The following DOCK2 variants were observed in gnomAD, a reference collection of about 807,000 sequenced individuals.
DOCK2 encodes dedicator of cytokinesis protein 2.
DOCK2 carries 87 observed loss-of-function variants against 248.9 expected under a neutral mutation model. The observed-to-expected ratio is 0.35, with a 90% CI of 0.29 to 0.42. The LOEUF (loss-of-function observed/expected upper bound fraction) is 0.42. Among genes scored for constraint, DOCK2 ranks in the 10% least tolerant of loss-of-function variants. The pLI is 1.00. For missense variants in DOCK2, 1,747 were observed against 2,300.2 expected (o/e 0.76, Z 4.92); for synonymous variants, 805 against 821.6 (o/e 0.98, Z 0.35).
intron 27 of DOCK2, among the ~76,000 whole-genome samples, chr5:169,902,033 A>G (rs1262438247): frequency 2.0e-5 from 3 of 152,186 alleles, no homozygotes; most frequent in Non-Finnish European, 4.4e-5. Flanking sequence ...CAATCAGTCA[A>G]ACGGTTTGTT....
intron 34 of DOCK2, 47 bp downstream of exon 34, chr5:170,027,995 G>T: frequency 6.4e-7 from 1 of 1,558,086 alleles, no homozygotes; most frequent in Non-Finnish European, 8.7e-7. Flanking sequence ...AAGGTCAGGT[G>T]AGGCGGGAGG....
chr5:169,898,209 A>G (rs984401319), intron 27 of DOCK2, among the ~76,000 whole-genome samples: 2 of 152,118 alleles, frequency 1.3e-5, no homozygotes, highest in African/African-American at 2.4e-5. Flanking sequence ...TGGGGCTCCC[A>G]CAGCTCTACC....
At chr5:169,859,326 G>A (rs1347621529) in intron 27 of DOCK2, among the ~76,000 whole-genome samples, 2 of 152,160 alleles carry the variant, frequency 1.3e-5, no homozygotes, top group African/African-American at 4.8e-5. Flanking sequence ...CTGTAAATTG[G>A]TGAAAAGAAG....
chr5:169,817,073 A>G (rs17645909), intron 26 of DOCK2, among the ~76,000 whole-genome samples: 3,607 of 152,222 alleles, frequency 0.024, 71 homozygotes, highest in Non-Finnish European at 0.036. Context: ...CATCCTGCCT[A>G]TGTAGACATC....
Position 170,042,050 on chromosome 5 carries a change from C to A in DOCK2, c.3794C>A (p.Thr1265Lys), listed in dbSNP as rs768197840. 6.2e-7 allele frequency: 1 copy of A among 1,613,634 alleles called. No homozygotes were observed. The highest frequency in any genetic ancestry group is 1.3e-5 in the African/African-American group (1 of 74,888). ...DEQCASQVMQ[T>K]GQQHPQTHRQ... ...CAGTGTGCATCACAGGTCATGCAGA[C>A]AGGCCAGCAGCACCCCCAGACACAC... Residue 1265 changes from threonine to lysine, a missense_variant, in exon 38 of 52, where the codon ACA becomes AAA. Thr to Lys is a moderately conservative substitution (Grantham distance 78). Transcript: ENST00000520908.
chr5:169,842,934 A>G (rs1581271427), intron 27 of DOCK2, among the ~76,000 whole-genome samples: 3 of 152,202 alleles, frequency 2.0e-5, no homozygotes, highest in South Asian at 2.1e-4. Flanking sequence ...TGCCCCATCA[A>G]TCTTTACCAG....
At chr5:169,810,699 C>G (rs1767682574) in intron 26 of DOCK2, among the ~76,000 whole-genome samples, 1 of 152,064 alleles carries the variant, frequency 6.6e-6, no homozygotes, top group Non-Finnish European at 1.5e-5. Flanking sequence ...AAAGACTGGT[C>G]TCTTTGGGGG....
intron 44 of DOCK2, among the ~76,000 whole-genome samples, chr5:170,066,171 C>T (rs546849161): frequency 2.0e-5 from 3 of 152,060 alleles, no homozygotes; most frequent in South Asian, 2.1e-4. Flanking sequence ...AGGATGGTCT[C>T]GATCTCCTGA....
chr5:170,076,039 GA>G lies in DOCK2; in HGVS notation c.4823del (p.Asn1608ThrfsTer2). 6.2e-7 allele frequency: 1 copy of G among 1,610,868 alleles called. No individual in the cohort carries two copies. Among genetic ancestry groups the G allele is most frequent in the Non-Finnish European group, 8.5e-7 (1 of 1,178,222 alleles). On this transcript the variant is annotated frameshift_variant, in exon 47 of 52. Coordinates refer to ENST00000520908, the MANE Select transcript of DOCK2 (RefSeq NM_004946.3). LOFTEE classifies it high-confidence loss of function. ...ATGACCGGATGGAGGAATGTTTCAAGAACCTGAAAATGAAGGTGGAGAAGGA... is the reference window on the plus strand; with the variant it reads ...ATGACCGGATGGAGGAATGTTTCAAGACCTGAAAATGAAGGTGGAGAAGGA... ...FHDRMEECFK[N>X]LKMKVEKEYG...
intron 27 of DOCK2, among the ~76,000 whole-genome samples, chr5:169,971,188 C>CAAAAAAA (rs34023676): frequency 4.9e-5 from 7 of 143,872 alleles, no homozygotes; most frequent in African/African-American, 1.8e-4. Flanking sequence ...GAAAGAAAGG[C>CAAAAAAA]AAAAAAAAAA....
At chr5:170,013,882 T>C (rs1358121281) in intron 32 of DOCK2, among the ~76,000 whole-genome samples, 1 of 152,128 alleles carries the variant, frequency 6.6e-6, no homozygotes, top group African/African-American at 2.4e-5. Flanking sequence ...CCTGACTTCA[T>C]GGACTGGTGA....
intron 25 of DOCK2, among the ~76,000 whole-genome samples, chr5:169,772,357 C>T (rs1459992763): frequency 1.3e-5 from 2 of 152,154 alleles, no homozygotes; most frequent in Admixed American, 6.5e-5. Context: ...TAAGAAATTG[C>T]TTGGGCTCAT....
At chr5:169,837,301 C>T (rs1398142435) in intron 26 of DOCK2, among the ~76,000 whole-genome samples, 5 of 152,168 alleles carry the variant, frequency 3.3e-5, no homozygotes, top group Non-Finnish European at 5.9e-5. Context: ...AGTCACTTTC[C>T]TAGAGTCTCC....
At chr5:170,024,443 TG>T (rs1755836464) in intron 33 of DOCK2, among the ~76,000 whole-genome samples, 1 of 142,518 alleles carries the variant, frequency 7.0e-6, no homozygotes, top group Non-Finnish European at 1.5e-5. Context: ...ATTTGTAACA[TG>T]GGGATGATGA....
intron 2 of DOCK2, among the ~76,000 whole-genome samples, chr5:169,660,921 G>A (rs544871410): frequency 1.3e-5 from 2 of 151,942 alleles, no homozygotes; most frequent in African/African-American, 4.8e-5. Flanking sequence ...TTTCATTTGC[G>A]GCATGTCTAT....
intron 27 of DOCK2, among the ~76,000 whole-genome samples, chr5:169,962,062 G>C (rs181258806): frequency 6.6e-6 from 1 of 151,846 alleles, no homozygotes; most frequent in African/African-American, 2.4e-5. Flanking sequence ...GAGAAAGCCA[G>C]TGTGTCTGAG....
intron 3 of DOCK2, 53 bp downstream of exon 3, chr5:169,669,381 C>T: frequency 1.3e-6 from 2 of 1,592,858 alleles, no homozygotes; most frequent in East Asian, 2.2e-5. Flanking sequence ...TCATATGGCC[C>T]CGCTATCCCA....
chr5:170,050,884 A>C (rs1561898758), intron 41 of DOCK2, among the ~76,000 whole-genome samples: 1 of 152,076 alleles, frequency 6.6e-6, no homozygotes, highest in Non-Finnish European at 1.5e-5. Context: ...TCAAGCCCTG[A>C]CTCTATGCTA....
At chr5:169,877,390 G>A (rs950218348) in intron 27 of DOCK2, among the ~76,000 whole-genome samples, 1 of 152,196 alleles carries the variant, frequency 6.6e-6, no homozygotes, top group Non-Finnish European at 1.5e-5. Context: ...AATGATGAGA[G>A]CCTTTTCTGA....
Sources: allele counts gnomAD v4.1 joint callset (sites outside exome capture counted in the v4.1 genomes callset), GRCh38; gene constraint gnomAD v4.1.1; transcripts MANE v1.5; gene names NCBI Gene and HGNC (gene_info 2026-07-23, HGNC 2026-07-21).